The following OSBPL6 variants were observed in gnomAD, a reference collection of about 807,000 sequenced individuals.
The protein encoded by OSBPL6 is oxysterol-binding protein-related protein 6.
In OSBPL6, 49 loss-of-function variants were observed where a neutral mutation model predicts 125.8. The observed-to-expected ratio is 0.39, with a 90% CI of 0.31 to 0.49. The LOEUF (loss-of-function observed/expected upper bound fraction) is 0.49. Ranked by LOEUF, OSBPL6 falls within the 20% of genes least tolerant of loss-of-function variation. The pLI is 0.88. For missense variants in OSBPL6, 986 were observed against 1,135.4 expected (o/e 0.87, Z 1.89); for synonymous variants, 394 against 391.8 (o/e 1.01, Z -0.07).
At chr2:178,315,808 C>T (rs536882717) in intron 3 of OSBPL6, among the ~76,000 whole-genome samples, 5 of 152,282 alleles carry the variant, frequency 3.3e-5, no homozygotes, top group African/African-American at 9.6e-5. Flanking sequence ...TTGAAAAGGC[C>T]TGAGAATCTG....
intron 2 of OSBPL6, among the ~76,000 whole-genome samples, chr2:178,289,349 CATTTGA>C (rs1169703973): frequency 1.3e-5 from 2 of 152,130 alleles, no homozygotes; most frequent in Non-Finnish European, 2.9e-5. Flanking sequence ...AAATACATTT[CATTTGA>C]AAAAATTTCA....
In OSBPL6 at chr2:178,373,972, C is replaced by G; in HGVS notation, c.1478C>G (p.Ser493Cys). 6.2e-7 allele frequency: 1 copy of G among 1,614,152 alleles called. No homozygotes were observed. Among genetic ancestry groups the G allele is most frequent in the South Asian group, 1.1e-5 (1 of 91,086 alleles). The change falls in exon 15 of 25, where the codon TCT becomes TGT. Residue 493 changes from serine (S) to cysteine (C), a missense_variant. Coordinates refer to ENST00000190611, the MANE Select transcript of OSBPL6 (RefSeq NM_032523.4). ...CGCCTCTCCATGTCAGAGTCTGTTT[C>G]TGAGTTCTTTGATGCCCAAGAGGTG... ...ESRLSMSESV[S>C]EFFDAQEVLL...
At chr2:178,265,397 A>G (rs1276313058) in intron 1 of OSBPL6, among the ~76,000 whole-genome samples, 1 of 149,462 alleles carries the variant, frequency 6.7e-6, no homozygotes, top group Admixed American at 6.7e-5. Context: ...TATTTTTTGT[A>G]GAGACAGGAT....
Position 178,379,263 on chromosome 2 carries a change from A to AAG in OSBPL6, c.1534-3155_1534-3154dup, listed in dbSNP as rs1349123770. ...AGAGAGAGAGAGAGAAAGAAAAACA[A>AAG]AGAAAGAGAAAGAAAGAAAGAAAAG... On this transcript the variant is annotated intron_variant, in intron 15 of 24. Transcript: ENST00000190611. Among the ~76,000 whole-genome samples, 220 of 148,454 alleles carry AAG rather than the reference A, an allele frequency of 1.5e-3. 1 individual carries two copies. Among genetic ancestry groups the AAG allele is most frequent in the African/African-American group, 5.1e-3 (207 of 40,534 alleles).
At chr2:178,267,370 AAAAAAC>A (rs1202787023) in intron 1 of OSBPL6, among the ~76,000 whole-genome samples, 3 of 151,240 alleles carry the variant, frequency 2.0e-5, no homozygotes, top group African/African-American at 7.3e-5. Context: ...AAAAAAAAAA[AAAAAAC>A]AAAACAAGGT....
chr2:178,346,960 T>A (rs1445903851), intron 11 of OSBPL6, among the ~76,000 whole-genome samples: 1 of 152,246 alleles, frequency 6.6e-6, no homozygotes, highest in African/African-American at 2.4e-5. Flanking sequence ...GATTGCAATT[T>A]GAATGGAACA....
intron 8 of OSBPL6, among the ~76,000 whole-genome samples, chr2:178,333,344 CA>C (rs1689397749): frequency 1.3e-5 from 2 of 151,950 alleles, no homozygotes; most frequent in South Asian, 4.1e-4. Flanking sequence ...AAGATTGTGC[CA>C]CTACTGAATA....
rs941597572 is a variant in OSBPL6 at position 178,402,070 on chromosome 2, C to T, written c.*6511C>T. ...CTGTGAGCTATGATTGCACCACTGC[C>T]CTGAGCCTGGACGACAGAGCAAGTT... On this transcript the variant is annotated 3_prime_UTR_variant, in exon 25 of 25. Coordinates refer to ENST00000190611, the MANE Select transcript of OSBPL6 (RefSeq NM_032523.4). The T allele has an allele frequency of 5.9e-5, 9 of 151,666 alleles. No homozygotes were observed. Among genetic ancestry groups the T allele is most frequent in the African/African-American group, 2.2e-4 (9 of 41,214 alleles). The allele number at this position is 151,666 out of a possible 1,614,324, so 9.4% of individuals were successfully genotyped here.
chr2:178,270,388 C>T (rs545465995), intron 1 of OSBPL6, among the ~76,000 whole-genome samples: 24 of 152,260 alleles, frequency 1.6e-4, no homozygotes, highest in Non-Finnish European at 1.5e-5. Flanking sequence ...ACATACCAGG[C>T]AGTGTTGTTT....
At position 178,307,237 on chromosome 2, in the gene OSBPL6, G is replaced by A. The variant is rs560374865; in HGVS notation, c.102+951G>A. On this transcript the variant is annotated intron_variant, in intron 3 of 24. Transcript: ENST00000190611. ...ATTTGATTGGCCATCATATAGACAT[G>A]GGTCTTGAGACAGCCACTTCCAAAA... Among the ~76,000 whole-genome samples, 196 of 152,070 alleles carry A rather than the reference G, an allele frequency of 1.3e-3. 2 individuals are homozygous for A. The South Asian group carries it at 0.03, about 23-fold the overall frequency.
At chr2:178,311,392 A>G (rs1386757027) in intron 3 of OSBPL6, among the ~76,000 whole-genome samples, 3 of 151,590 alleles carry the variant, frequency 2.0e-5, no homozygotes, top group Non-Finnish European at 4.4e-5. Flanking sequence ...AGCTGGTTTG[A>G]TTTTTCTTTA....
chr2:178,276,032 T>G (rs1306231507), intron 1 of OSBPL6, among the ~76,000 whole-genome samples: 1 of 152,238 alleles, frequency 6.6e-6, no homozygotes, highest in Non-Finnish European at 1.5e-5. Context: ...AAGATAGTTT[T>G]TTAACTCTTT....
intron 1 of OSBPL6, among the ~76,000 whole-genome samples, chr2:178,264,315 A>G (rs2092160848): frequency 6.6e-6 from 1 of 152,196 alleles, no homozygotes; most frequent in African/African-American, 2.4e-5. Flanking sequence ...AAGACCTTAT[A>G]GCAATTCAGA....
rs1450273485 is a variant in OSBPL6, at chr2:178,382,291, CAAAT to C, written c.1534-127_1534-124del. On this transcript the variant is annotated intron_variant, in intron 15 of 24. Coordinates refer to ENST00000190611, the MANE Select transcript of OSBPL6 (RefSeq NM_032523.4). Reference sequence around the variant, plus strand: ...CCTCAAGTGTTCATTGCACATATGTCAAATACTTTTCCCTCTAGGACCTCTGCTT... The same window carrying C: ...CCTCAAGTGTTCATTGCACATATGTCACTTTTCCCTCTAGGACCTCTGCTT... The C allele has an allele frequency of 4.2e-6, 5 of 1,182,848 alleles. No individual in the cohort carries two copies. In the East Asian group the frequency reaches 1.3e-4, roughly 31 times the overall value. 73.3% of individuals were successfully genotyped at this position (1,182,848 alleles called of 1,614,324 possible). A position where few individuals can be genotyped will look rare whatever the true frequency, so the allele number is the denominator to read the frequency against.
intron 3 of OSBPL6, among the ~76,000 whole-genome samples, chr2:178,311,975 C>T (rs188447054): frequency 2.6e-5 from 4 of 152,146 alleles, no homozygotes; most frequent in Non-Finnish European, 5.9e-5. Context: ...ATTGAAATGG[C>T]GTCAAATTAA....
intron 13 of OSBPL6, 90 bp from the exon 14 acceptor site, chr2:178,372,036 C>A: frequency 1.1e-6 from 1 of 933,288 alleles, no homozygotes; most frequent in Non-Finnish European, 1.6e-6. Flanking sequence ...ACATCACAGA[C>A]ATTATTGTCT....
At chr2:178,219,438 A>G (rs149998115) in intron 1 of OSBPL6, among the ~76,000 whole-genome samples, 228 of 152,278 alleles carry the variant, frequency 1.5e-3, no homozygotes, top group African/African-American at 4.9e-3. Flanking sequence ...ATCTGGCCTA[A>G]GGGTATTAGT....
At chr2:178,359,406 C>T (rs6753246) in intron 12 of OSBPL6, among the ~76,000 whole-genome samples, 39,533 of 151,960 alleles carry the variant, frequency 0.26, 5,404 homozygotes, top group Admixed American at 0.38. Context: ...AGACAAATGT[C>T]GGCAAGGGTG....
intron 1 of OSBPL6, among the ~76,000 whole-genome samples, chr2:178,208,002 G>A (rs1006335655): frequency 1.3e-5 from 2 of 151,902 alleles, no homozygotes. Flanking sequence ...ATAAAGTGCC[G>A]GGCTGGGCAT....
Sources: gnomAD v4.1 joint callset for allele counts (sites outside exome capture counted in the v4.1 genomes callset) on GRCh38, gnomAD v4.1.1 for gene constraint, MANE v1.5 for transcripts, NCBI Gene and HGNC (gene_info 2026-07-23, HGNC 2026-07-21) for gene names.